Variants in ANKUB1 observed in about 807,000 individuals in gnomAD.
ANKUB1 encodes protein ANKUB1.
In ANKUB1, 42 loss-of-function variants were observed where a neutral mutation model predicts 49.3. That is an observed-to-expected ratio of 0.85 (90% CI 0.67 to 1.10). The LOEUF (loss-of-function observed/expected upper bound fraction) is 1.10. ANKUB1 is among the 50% of genes least tolerant of loss of function. The probability of loss-of-function intolerance (pLI) is 0.00; values close to 1 mark genes in which losing one functional copy is unlikely to be tolerated. For synonymous variants in ANKUB1, 222 were observed against 231.0 expected (o/e 0.96, Z 0.35); for missense variants, 613 against 642.0 (o/e 0.95, Z 0.49).
chr3:149,785,375 A>AG (rs1718045532), intron 2 of ANKUB1, among the ~76,000 whole-genome samples: 1 of 152,014 alleles, frequency 6.6e-6, no homozygotes, highest in South Asian at 2.1e-4. Context: ...CTCGTCATTT[A>AG]CATTAGGTAT....
intron 1 of ANKUB1, among the ~76,000 whole-genome samples, 176 bp from the exon 2 acceptor site, chr3:149,791,100 G>C (rs1718339014): frequency 6.6e-6 from 1 of 152,138 alleles, no homozygotes; most frequent in Non-Finnish European, 1.5e-5. Context: ...TTTATGGGTA[G>C]AATTTAGATG....
Position 149,780,475 on chromosome 3 carries a change from G to A in ANKUB1, c.235-20C>T. 6.5e-7 allele frequency: 1 copy of A among 1,538,438 alleles called. No individual in the cohort carries two copies. The highest frequency in any genetic ancestry group is 8.8e-7 in the Non-Finnish European group (1 of 1,134,774). ...TTCTTCCTAAAGGGAAAGAAAAGGAGGGAACTTATTGTCTGGAGGTTCAGA... is the reference window on the plus strand; with the variant it reads ...TTCTTCCTAAAGGGAAAGAAAAGGAAGGAACTTATTGTCTGGAGGTTCAGA... On this transcript the variant is annotated intron_variant, in intron 2 of 5. Transcript: ENST00000446160.
At chr3:149,782,526 G>T (rs1717915504) in intron 2 of ANKUB1, among the ~76,000 whole-genome samples, 2 of 152,078 alleles carry the variant, frequency 1.3e-5, no homozygotes, top group African/African-American at 4.8e-5. Flanking sequence ...TCTGGAACAA[G>T]TAATAAGGGA....
chr3:149,767,342 G>C lies in ANKUB1; in HGVS notation c.1320C>G (p.Leu440=), dbSNP rs1312236997. ...CTTGGGGAAGATATGTGTTTTTTAT[G>C]AGCTTTTCTTTTTTCCTAGCTGTGG... ...ITATARKKEK[L]IKNTYLPQVP... is the part of the protein sequence containing the mutation. The change falls in exon 5 of 6, where the codon CTC becomes CTG. Residue 440 remains leucine, a synonymous_variant. Transcript: ENST00000446160. 6.5e-7 allele frequency: 1 copy of C among 1,550,046 alleles called. No individual in the cohort carries two copies. Among genetic ancestry groups the C allele is most frequent in the Admixed American group, 2.0e-5 (1 of 50,568 alleles).
intron 3 of ANKUB1, chr3:149,779,423 G>A (rs1347118966): frequency 6.6e-6 from 1 of 151,860 alleles, no homozygotes; most frequent in African/African-American, 2.4e-5. Flanking sequence ...CCCCTCTCTT[G>A]GCCTCCAAAA....
intron 5 of ANKUB1, among the ~76,000 whole-genome samples, 198 bp from the exon 6 acceptor site, chr3:149,761,811 A>G (rs1716796793): frequency 6.6e-6 from 1 of 152,196 alleles, no homozygotes; most frequent in South Asian, 2.1e-4. Flanking sequence ...TTCTCAAGGC[A>G]ATACTAAAAA....
chr3:149,779,960 T>C (rs990708290), intron 3 of ANKUB1: 4 of 400,290 alleles, frequency 1.0e-5, no homozygotes, highest in Non-Finnish European at 1.8e-5. Flanking sequence ...GAAATGGTTT[T>C]GATTGTAAAT....
intron 2 of ANKUB1, among the ~76,000 whole-genome samples, chr3:149,785,834 A>G (rs1028578018): frequency 6.6e-6 from 1 of 152,188 alleles, no homozygotes; most frequent in African/African-American, 2.4e-5. Flanking sequence ...AGGAATCTCC[A>G]TACTGTCTTC....
chr3:149,762,931 C>T (rs539976205), intron 5 of ANKUB1, among the ~76,000 whole-genome samples: 57 of 152,320 alleles, frequency 3.7e-4, no homozygotes, highest in African/African-American at 1.3e-3. Context: ...GTGCCTTTGA[C>T]CATGTTACTA....
intron 3 of ANKUB1, among the ~76,000 whole-genome samples, chr3:149,777,240 A>G (rs907850629): frequency 2.0e-5 from 3 of 152,100 alleles, no homozygotes; most frequent in African/African-American, 7.2e-5. Context: ...TTGGGAGGCC[A>G]AGGCGGGCAG....
intron 5 of ANKUB1, among the ~76,000 whole-genome samples, chr3:149,763,258 A>G (rs1035094052): frequency 6.6e-6 from 1 of 152,188 alleles, no homozygotes; most frequent in Non-Finnish European, 1.5e-5. Context: ...CACCAGACTT[A>G]GTTTGAAGTC....
intron 1 of ANKUB1, 94 bp from the exon 2 acceptor site, chr3:149,791,018 G>A: frequency 1.6e-6 from 2 of 1,280,288 alleles, no homozygotes; most frequent in South Asian, 3.4e-5. Flanking sequence ...TTTCCTCTGG[G>A]CATTATAATT....
intron 2 of ANKUB1, among the ~76,000 whole-genome samples, chr3:149,788,169 T>G (rs955207905): frequency 1.3e-5 from 2 of 152,160 alleles, no homozygotes; most frequent in African/African-American, 4.8e-5. Flanking sequence ...GCAACTAACA[T>G]GACTTGGAAA....
intron 2 of ANKUB1, among the ~76,000 whole-genome samples, chr3:149,789,943 C>T (rs1321012538): frequency 6.6e-6 from 1 of 152,132 alleles, no homozygotes; most frequent in Non-Finnish European, 1.5e-5. Flanking sequence ...CAAGTACTAA[C>T]ATATATTAAA....
intron 3 of ANKUB1, among the ~76,000 whole-genome samples, chr3:149,775,777 C>T (rs1270743422): frequency 6.6e-6 from 1 of 152,042 alleles, no homozygotes; most frequent in East Asian, 1.9e-4. Context: ...AACAGAATAA[C>T]AAGCAGATAA....
chr3:149,787,740 A>G (rs537968105), intron 2 of ANKUB1, among the ~76,000 whole-genome samples: 2 of 152,210 alleles, frequency 1.3e-5, no homozygotes, highest in South Asian at 4.1e-4. Context: ...TGGAAAAAGC[A>G]TTGTCTAAAG....
At chr3:149,768,352 G>A (rs574002073) in intron 4 of ANKUB1, among the ~76,000 whole-genome samples, 7 of 152,176 alleles carry the variant, frequency 4.6e-5, no homozygotes, top group East Asian at 3.9e-4. Flanking sequence ...TTAAATCCTC[G>A]AAAAATATCA....
chr3:149,762,363 T>C (rs1056900650), intron 5 of ANKUB1, among the ~76,000 whole-genome samples: 2 of 152,206 alleles, frequency 1.3e-5, no homozygotes, highest in Admixed American at 6.5e-5. Flanking sequence ...CTTCCTAAAC[T>C]TGTCCCACTT....
chr3:149,784,873 T>A (rs1718024613), intron 2 of ANKUB1, among the ~76,000 whole-genome samples: 1 of 152,212 alleles, frequency 6.6e-6, no homozygotes, highest in Non-Finnish European at 1.5e-5. Flanking sequence ...TTAATTTCCA[T>A]ACTTTACCTC....
Sources: allele counts gnomAD v4.1 joint callset (sites outside exome capture counted in the v4.1 genomes callset), GRCh38; gene constraint gnomAD v4.1.1; transcripts MANE v1.5; gene names NCBI Gene and HGNC (gene_info 2026-07-23, HGNC 2026-07-21).